EYS: variants seen among roughly 807,000 people sequenced by gnomAD.
The protein encoded by EYS is protein eyes shut homolog.
Under a neutral mutation model 282.1 loss-of-function variants are expected in EYS, and 250 were observed. The observed-to-expected ratio is 0.89, with a 90% CI of 0.80 to 0.98. The LOEUF (loss-of-function observed/expected upper bound fraction) is 0.98. EYS is among the 50% of genes least tolerant of loss of function. The pLI is 0.00. For synonymous variants in EYS, 1,355 were observed against 1,282.9 expected, an observed-to-expected ratio of 1.06 and a Z score of -1.20; for missense variants, 4,016 against 3,709.0, an observed-to-expected ratio of 1.08 and a Z score of -2.15.
Position 65,443,184 on chromosome 6 carries a change from T to A in EYS, c.863-37817A>T, listed in dbSNP as rs552766800. Reference sequence around the variant, plus strand: ...TATATGAGCACATATGTGCACATCATATACATATGTGCGCACATATATGTA... The same window carrying A: ...TATATGAGCACATATGTGCACATCAAATACATATGTGCGCACATATATGTA... On this transcript the variant is annotated intron_variant, in intron 5 of 42. Coordinates refer to ENST00000503581, the MANE Select transcript of EYS (RefSeq NM_001142800.2). Among the ~76,000 whole-genome samples the A allele has an allele frequency of 3.6e-4, 54 of 151,752 alleles. 1 individual carries two copies. Among genetic ancestry groups the A allele is most frequent in the African/African-American group, 1.3e-3 (53 of 41,502 alleles).
intron 13 of EYS, among the ~76,000 whole-genome samples, chr6:65,035,707 C>T (rs77756528): frequency 0.033 from 4,997 of 151,724 alleles, 154 homozygotes; most frequent in East Asian, 0.16. Flanking sequence ...AAAAATGTTC[C>T]ATGCTCATGA....
chr6:64,312,663 G>C (rs1769766039), intron 29 of EYS, among the ~76,000 whole-genome samples: 1 of 152,204 alleles, frequency 6.6e-6, no homozygotes. Context: ...TCCCCTCTGG[G>C]ACGAAGCTTC....
chr6:65,080,638 T>C (rs1774207063), intron 12 of EYS, among the ~76,000 whole-genome samples: 1 of 152,056 alleles, frequency 6.6e-6, no homozygotes, highest in African/African-American at 2.4e-5. Flanking sequence ...AATTGATTTG[T>C]TTGGGTTTGT....
intron 12 of EYS, among the ~76,000 whole-genome samples, chr6:65,159,512 A>G (rs1473670107): frequency 6.6e-6 from 1 of 150,686 alleles, no homozygotes; most frequent in East Asian, 2.0e-4. Flanking sequence ...GGCCCACAGA[A>G]TTTAAATGTT....
At chr6:64,367,868 C>A (rs907435620) in intron 29 of EYS, among the ~76,000 whole-genome samples, 5 of 152,054 alleles carry the variant, frequency 3.3e-5, no homozygotes, top group Non-Finnish European at 7.4e-5. Flanking sequence ...TTGTCCTGTG[C>A]AAACTTTGAC....
chr6:64,463,285 G>A (rs1185973984), intron 26 of EYS, among the ~76,000 whole-genome samples: 2 of 151,996 alleles, frequency 1.3e-5, no homozygotes, highest in Non-Finnish European at 2.9e-5. Context: ...AATATGTGTG[G>A]ACTCTGCCTC....
chr6:63,956,723 T>C (rs912809934), intron 35 of EYS, among the ~76,000 whole-genome samples: 4 of 152,208 alleles, frequency 2.6e-5, no homozygotes, highest in African/African-American at 9.6e-5. Flanking sequence ...AGCCTCCTTA[T>C]CTGCAAAACT....
intron 30 of EYS, among the ~76,000 whole-genome samples, chr6:64,294,886 AG>A (rs1768856101): frequency 6.6e-6 from 1 of 152,276 alleles, no homozygotes; most frequent in African/African-American, 2.4e-5. Flanking sequence ...TATGATGAAA[AG>A]GGGGGTATGC....
At chr6:65,553,502 A>G (rs1055582957) in intron 2 of EYS, among the ~76,000 whole-genome samples, 2 of 152,166 alleles carry the variant, frequency 1.3e-5, no homozygotes, top group Non-Finnish European at 2.9e-5. Flanking sequence ...TCAATGATTT[A>G]TATCTTAGAG....
At chr6:64,627,312 A>G (rs908820957) in intron 22 of EYS, among the ~76,000 whole-genome samples, 4 of 152,252 alleles carry the variant, frequency 2.6e-5, no homozygotes, top group African/African-American at 9.6e-5. Context: ...ATCATGGCAG[A>G]GTATACGCAA....
chr6:63,852,156 C>CAAAAAAAAAAAAA (rs67772165), intron 36 of EYS, among the ~76,000 whole-genome samples: 1 of 54,984 alleles, frequency 1.8e-5, no homozygotes, highest in African/African-American at 8.2e-5. Context: ...GACTCTGTCT[C>CAAAAAAAAAAAAA]AAAAAAAAAA....
intron 30 of EYS, among the ~76,000 whole-genome samples, chr6:64,237,302 A>G (rs1766641997): frequency 2.0e-5 from 3 of 152,184 alleles, no homozygotes; most frequent in Non-Finnish European, 4.4e-5. Flanking sequence ...GGGCAGACCA[A>G]CTGAGTAAAA....
rs78282987 is a variant in EYS, at chr6:64,263,708, G to T, written c.6192-32884C>A. On this transcript the variant is annotated intron_variant, in intron 30 of 42. Transcript: ENST00000503581. ...TATGGCGATTTCTCTTGGCTCTGACGATTGGCTGAAACCCATATGGATGTA... is the reference window on the plus strand; with the variant it reads ...TATGGCGATTTCTCTTGGCTCTGACTATTGGCTGAAACCCATATGGATGTA... Among the ~76,000 whole-genome samples the T allele has an allele frequency of 6.6e-4, 100 of 152,150 alleles. 1 individual carries two copies. The highest frequency in any genetic ancestry group is 2.3e-3 in the African/African-American group (96 of 41,542).
chr6:64,133,710 T>C lies in EYS; in HGVS notation c.6425-51708A>G, dbSNP rs147357851. 1.7e-3 allele frequency among the ~76,000 whole-genome samples: 253 copies of C among 152,232 alleles called. 1 individual carries two copies. The highest frequency in any genetic ancestry group is 0.01 in the Middle Eastern group (3 of 294). On this transcript the variant is annotated intron_variant, in intron 31 of 42. Transcript: ENST00000503581. ...TCTATGCTACCCATATATGTATCTTTTCCCTAGAACCATTTCTCCTAGAGC... is the reference window on the plus strand; with the variant it reads ...TCTATGCTACCCATATATGTATCTTCTCCCTAGAACCATTTCTCCTAGAGC...
At chr6:64,640,021 A>G (rs956874671) in intron 22 of EYS, among the ~76,000 whole-genome samples, 4 of 139,434 alleles carry the variant, frequency 2.9e-5, no homozygotes, top group Non-Finnish European at 6.2e-5. Context: ...ATGAGATACC[A>G]TCTCACACCA....
At chr6:64,032,213 G>A (rs903786667) in intron 33 of EYS, among the ~76,000 whole-genome samples, 2 of 152,004 alleles carry the variant, frequency 1.3e-5, no homozygotes, top group African/African-American at 2.4e-5. Flanking sequence ...GAACACATCC[G>A]AACATCAGAA....
At chr6:64,577,771 T>C (rs1173528952) in intron 26 of EYS, among the ~76,000 whole-genome samples, 1 of 152,116 alleles carries the variant, frequency 6.6e-6, no homozygotes, top group Non-Finnish European at 1.5e-5. Flanking sequence ...TATACACTTA[T>C]CAGAGTTTCG....
chr6:63,993,109 G>A (rs949762011), intron 34 of EYS, among the ~76,000 whole-genome samples: 3 of 151,670 alleles, frequency 2.0e-5, no homozygotes, highest in Middle Eastern at 3.4e-3. Flanking sequence ...CTCAATAAAC[G>A]CAAAATGTCA....
intron 2 of EYS, among the ~76,000 whole-genome samples, chr6:65,584,574 T>G (rs2127363057): frequency 6.6e-6 from 1 of 152,098 alleles, no homozygotes; most frequent in African/African-American, 2.4e-5. Context: ...TCCAACTGAA[T>G]TATCCAGAAT....
Sources: gnomAD v4.1 joint callset for allele counts (sites outside exome capture counted in the v4.1 genomes callset) on GRCh38, gnomAD v4.1.1 for gene constraint, MANE v1.5 for transcripts, NCBI Gene and HGNC (gene_info 2026-07-23, HGNC 2026-07-21) for gene names.